SYTL3: variants seen among roughly 807,000 people sequenced by gnomAD.
SYTL3 encodes the protein synaptotagmin-like protein 3.
Under a neutral mutation model 82.1 loss-of-function variants are expected in SYTL3, and 88 were observed. The ratio of observed to expected loss-of-function variants is 1.07; its 90% CI spans 0.90 to 1.28. The LOEUF is 1.28. SYTL3 is among the 50% of genes most tolerant of loss of function. SYTL3 has a pLI of 0.00. For synonymous variants in SYTL3, 311 were observed against 289.4 expected, an observed-to-expected ratio of 1.07 and a Z score of -0.76; for missense variants, 831 against 757.6, an observed-to-expected ratio of 1.10 and a Z score of -1.14.
chr6:158,686,978 C>T (rs1376786660), intron 6 of SYTL3, among the ~76,000 whole-genome samples: 1 of 152,186 alleles, frequency 6.6e-6, no homozygotes, highest in Admixed American at 6.5e-5. Context: ...TTTGCATGTT[C>T]TCTAGTGTTT....
rs56865775 is a variant in SYTL3, at chr6:158,677,705, CAAAAAAAAAAAAA to C, written c.330-5207_330-5195del. Among the ~76,000 whole-genome samples, 144 of 68,126 alleles carry C rather than the reference CAAAAAAAAAAAAA, an allele frequency of 2.1e-3. 2 individuals are homozygous for C. Among genetic ancestry groups the C allele is most frequent in the Admixed American group, 5.1e-3 (28 of 5,456 alleles). The allele number at this position is 68,126 out of a possible 152,430, so 44.7% of individuals were successfully genotyped here. A position where few individuals can be genotyped will look rare whatever the true frequency, so the allele number is the denominator to read the frequency against. On this transcript the variant is annotated intron_variant, in intron 5 of 17. Coordinates refer to ENST00000611299, the MANE Select transcript of SYTL3 (RefSeq NM_001242394.2). Reference sequence around the variant, plus strand: ...GGGTGACAAGAATGAAACTCTGTCTCAAAAAAAAAAAAAAAAAAAAAAAAAGACTATTTGAAAT... The same window carrying C: ...GGGTGACAAGAATGAAACTCTGTCTCAAAAAAAAAAAAGACTATTTGAAAT...
At chr6:158,695,450 AT>A (rs1329723445) in intron 6 of SYTL3, among the ~76,000 whole-genome samples, 1 of 152,174 alleles carries the variant, frequency 6.6e-6, no homozygotes, top group Non-Finnish European at 1.5e-5. Context: ...CATATGAATA[AT>A]TTTTTAAAAG....
chr6:158,706,936 T>A (rs1209431807), intron 6 of SYTL3, among the ~76,000 whole-genome samples: 2 of 152,224 alleles, frequency 1.3e-5, no homozygotes, highest in Non-Finnish European at 2.9e-5. Context: ...TTCCCAACAA[T>A]TATGGTTTCA....
At chr6:158,664,609 G>C (rs1036519626) in intron 4 of SYTL3, among the ~76,000 whole-genome samples, 2 of 152,174 alleles carry the variant, frequency 1.3e-5, no homozygotes, top group Admixed American at 6.5e-5. Flanking sequence ...TTTATTTGAT[G>C]ATGAAAGATC....
At chr6:158,701,779 C>A (rs1006414804) in intron 6 of SYTL3, among the ~76,000 whole-genome samples, 1 of 151,972 alleles carries the variant, frequency 6.6e-6, no homozygotes, top group African/African-American at 2.4e-5. Flanking sequence ...TCTCCCAGTT[C>A]TGGAGGCTGG....
At chr6:158,761,668 C>A (rs573176003) in intron 15 of SYTL3, among the ~76,000 whole-genome samples, 1 of 152,298 alleles carries the variant, frequency 6.6e-6, no homozygotes, top group South Asian at 2.1e-4. Context: ...AGAGGAAATT[C>A]TGCTACCCAA....
intron 7 of SYTL3, 84 bp downstream of exon 7, chr6:158,707,365 G>C: frequency 8.8e-7 from 1 of 1,139,820 alleles, no homozygotes; most frequent in East Asian, 2.4e-5. Flanking sequence ...TAGGTCTCTT[G>C]ACTTTCACAT....
chr6:158,679,406 G>A (rs1778405101), intron 5 of SYTL3, among the ~76,000 whole-genome samples: 1 of 151,978 alleles, frequency 6.6e-6, no homozygotes, highest in South Asian at 2.1e-4. Context: ...AGTGCAGACA[G>A]GGAGTCCTTA....
At chr6:158,673,019 C>T (rs114518697) in intron 5 of SYTL3, among the ~76,000 whole-genome samples, 4,381 of 152,236 alleles carry the variant, frequency 0.029, 242 homozygotes, top group African/African-American at 0.1. Context: ...CAGCCTCCAA[C>T]GCCTGGGTTC....
chr6:158,693,848 T>TTCTTA (rs1250889241), intron 6 of SYTL3, among the ~76,000 whole-genome samples: 1 of 82,872 alleles, frequency 1.2e-5, no homozygotes, highest in Non-Finnish European at 2.3e-5. Context: ...GCCTTTCTTT[T>TTCTTA]TCTTTTCTTT....
At chr6:158,685,702 C>A (rs559353329) in intron 6 of SYTL3, among the ~76,000 whole-genome samples, 30 of 152,146 alleles carry the variant, frequency 2.0e-4, no homozygotes, top group Non-Finnish European at 3.5e-4. Flanking sequence ...CCTGTAATCC[C>A]AGCTACTCGG....
chr6:158,736,047 TA>T (rs1214737384), intron 11 of SYTL3, among the ~76,000 whole-genome samples: 3 of 152,234 alleles, frequency 2.0e-5, no homozygotes, highest in Non-Finnish European at 4.4e-5. Flanking sequence ...ATAATTGTTT[TA>T]ATTTTGAAAA....
chr6:158,673,549 C>T (rs1367392935), intron 5 of SYTL3, among the ~76,000 whole-genome samples: 1 of 151,310 alleles, frequency 6.6e-6, no homozygotes, highest in Non-Finnish European at 1.5e-5. Flanking sequence ...ACGCCATTCT[C>T]CTGTCTCAGG....
intron 14 of SYTL3, 85 bp downstream of exon 14, chr6:158,757,466 G>C: frequency 6.9e-7 from 1 of 1,443,522 alleles, no homozygotes; most frequent in East Asian, 2.3e-5. Flanking sequence ...AAGAGAAAAC[G>C]TACCTGGCAA....
At chr6:158,696,136 T>C (rs758100832) in intron 6 of SYTL3, among the ~76,000 whole-genome samples, 4 of 152,218 alleles carry the variant, frequency 2.6e-5, no homozygotes, top group Non-Finnish European at 4.4e-5. Flanking sequence ...CCTATTTTAT[T>C]ATACTTCCCC....
At chr6:158,745,741 G>C in intron 12 of SYTL3, 83 bp downstream of exon 12, 4 of 969,072 alleles carry the variant, frequency 4.1e-6, no homozygotes, top group Non-Finnish European at 5.5e-6. Context: ...GAATAACCAA[G>C]ACAATTATTA....
chr6:158,657,606 G>A (rs1014287835), intron 2 of SYTL3, among the ~76,000 whole-genome samples: 2 of 152,088 alleles, frequency 1.3e-5, no homozygotes, highest in Non-Finnish European at 2.9e-5. Flanking sequence ...TGTCTCAAAA[G>A]AAAAGAAGTA....
chr6:158,752,573 G>A lies in SYTL3; in HGVS notation c.1137+543G>A, dbSNP rs1788530351. 2.0e-5 allele frequency among the ~76,000 whole-genome samples: 3 copies of A among 152,188 alleles called. No homozygotes were observed. The South Asian group carries it at 6.2e-4, about 32-fold the overall frequency. On this transcript the variant is annotated intron_variant, in intron 13 of 17. Transcript: ENST00000611299. ...TATGATACTAGGAAATGTGATTGAT[G>A]GTTGAGGGCAGAGATGGGGCCATGC...
At chr6:158,719,270 T>G (rs1783790008) in intron 10 of SYTL3, among the ~76,000 whole-genome samples, 1 of 152,208 alleles carries the variant, frequency 6.6e-6, no homozygotes. Flanking sequence ...AGGTATTGCA[T>G]GCAGCCTCAT....
Sources: allele counts gnomAD v4.1 joint callset (sites outside exome capture counted in the v4.1 genomes callset), GRCh38; gene constraint gnomAD v4.1.1; transcripts MANE v1.5; gene names NCBI Gene and HGNC (gene_info 2026-07-23, HGNC 2026-07-21).